Variants in BEAN1 observed in about 807,000 individuals in gnomAD.
The protein encoded by BEAN1 is protein BEAN1.
BEAN1 carries 17 observed loss-of-function variants against 17.7 expected under a neutral mutation model. The observed-to-expected ratio is 0.96, with a 90% CI of 0.66 to 1.44. The LOEUF is 1.44. BEAN1 is among the 40% of genes most tolerant of loss of function. The pLI, the probability that BEAN1 is intolerant of heterozygous loss-of-function variation, is 0.00. For missense variants in BEAN1, 359 were observed against 374.1 expected, an observed-to-expected ratio of 0.96 and a Z score of 0.33; for synonymous variants, 142 against 151.8, an observed-to-expected ratio of 0.94 and a Z score of 0.47.
At chr16:66,464,610 T>A (rs1963200830) in intron 2 of BEAN1, among the ~76,000 whole-genome samples, 1 of 152,248 alleles carries the variant, frequency 6.6e-6, no homozygotes, top group South Asian at 2.1e-4. Context: ...CCCAAAGTGC[T>A]AGGATTACAG....
chr16:66,433,689 ATTTGT>A (rs1961895866), intron 1 of BEAN1, among the ~76,000 whole-genome samples: 3 of 152,136 alleles, frequency 2.0e-5, no homozygotes, highest in African/African-American at 7.2e-5. Context: ...TGAATTGGGG[ATTTGT>A]TTTGAGGATC....
At chr16:66,479,961 C>A (rs764315128) in intron 4 of BEAN1, among the ~76,000 whole-genome samples, 9 of 152,120 alleles carry the variant, frequency 5.9e-5, no homozygotes, top group Non-Finnish European at 1.2e-4. Flanking sequence ...GCAGATCACC[C>A]ATCAGTACTC....
Position 66,431,410 on chromosome 16 carries a change from C to T in BEAN1, c.-83+3979C>T, listed in dbSNP as rs571465854. On this transcript the variant is annotated intron_variant, in intron 1 of 4. Transcript: ENST00000536005. ...TTGAGTCTTCATTTTAATGATTTTT[C>T]GGATTGTTATTAAAGTCATACATGT... is the stretch of plus-strand genomic sequence containing the variant. 6.6e-5 allele frequency among the ~76,000 whole-genome samples: 10 copies of T among 152,176 alleles called. No homozygotes were observed. In the South Asian group the frequency reaches 1.9e-3, roughly 28 times the overall value.
chr16:66,490,659 C>T (rs1049053489), intron 4 of BEAN1, among the ~76,000 whole-genome samples: 1 of 152,028 alleles, frequency 6.6e-6, no homozygotes, highest in Non-Finnish European at 1.5e-5. Context: ...CAGAGTATGC[C>T]TCTGCAGCCA....
At chr16:66,466,039 C>A (rs1350624401) in intron 2 of BEAN1, among the ~76,000 whole-genome samples, 1 of 152,202 alleles carries the variant, frequency 6.6e-6, no homozygotes, top group African/African-American at 2.4e-5. Context: ...GACTTGAACT[C>A]CTGGCCTCAA....
intron 2 of BEAN1, among the ~76,000 whole-genome samples, chr16:66,463,625 A>G (rs1391172424): frequency 6.6e-6 from 1 of 152,180 alleles, no homozygotes; most frequent in African/African-American, 2.4e-5. Flanking sequence ...CCTTTGCTGC[A>G]CTAGTTTTTA....
At chr16:66,466,289 C>CA (rs1963259285) in intron 2 of BEAN1, among the ~76,000 whole-genome samples, 1 of 151,996 alleles carries the variant, frequency 6.6e-6, no homozygotes, top group Non-Finnish European at 1.5e-5. Context: ...AAAAAACAAA[C>CA]AAAAAAACAA....
chr16:66,483,554 T>C (rs551279152), downstream of BEAN1: 1 of 152,630 alleles, frequency 6.6e-6, no homozygotes, highest in Admixed American at 6.5e-5. Flanking sequence ...TTCCTTTCCA[T>C]GCCCTCCACA....
rs531482010 is a variant in BEAN1 at position 66,444,843 on chromosome 16, T to C, written c.25+7142T>C. Among the ~76,000 whole-genome samples, 14 of 152,206 alleles carry C rather than the reference T, an allele frequency of 9.2e-5. No homozygotes were observed. The East Asian group carries it at 9.7e-4, about 11-fold the overall frequency. On this transcript the variant is annotated intron_variant, in intron 2 of 4. Coordinates refer to ENST00000536005, the MANE Select transcript of BEAN1 (RefSeq NM_001178020.3). ...AATGCCCGGCACTGTGGCGGGAGCA[T>C]TGCCGCCCTCCAGTTCAAGCTGGCC... is the stretch of plus-strand genomic sequence containing the variant.
intron 2 of BEAN1, chr16:66,451,048 A>C (rs1962654197): frequency 6.5e-6 from 1 of 153,336 alleles, no homozygotes; most frequent in South Asian, 2.1e-4. Context: ...TCATCACCAG[A>C]CATATTATAC....
intron 2 of BEAN1, among the ~76,000 whole-genome samples, chr16:66,460,686 A>G (rs1381122508): frequency 1.3e-5 from 2 of 152,230 alleles, no homozygotes; most frequent in Admixed American, 1.3e-4. Context: ...GTGGCTCAGA[A>G]GAAGCAAAAC....
chr16:66,482,847 G>C (rs1964027764), downstream of BEAN1: 1 of 455,586 alleles, frequency 2.2e-6, no homozygotes, highest in Admixed American at 2.4e-5. Flanking sequence ...AGTGCATAAG[G>C]TTCCTTTTTT....
intron 3 of BEAN1, chr16:66,475,645 G>A (rs555720044): frequency 1.3e-5 from 2 of 152,308 alleles, no homozygotes; most frequent in Non-Finnish European, 2.9e-5. Context: ...TCTTTCCTAA[G>A]TTCTTCCAAA....
chr16:66,487,089 C>A (rs894504795), downstream of BEAN1, among the ~76,000 whole-genome samples: 18 of 152,100 alleles, frequency 1.2e-4, 1 homozygote, highest in Non-Finnish European at 2.5e-4. Flanking sequence ...CTGCAGGGAG[C>A]CAGCTGAGCT....
chr16:66,477,790 G>A, intron 4 of BEAN1, 80 bp downstream of exon 4: 1 of 1,375,422 alleles, frequency 7.3e-7, no homozygotes. Context: ...TCATGGGAAA[G>A]AGTGGCACCT....
rs111654421 is a variant in BEAN1, at chr16:66,447,198, A to G, written c.25+9497A>G. On this transcript the variant is annotated intron_variant, in intron 2 of 4. Transcript: ENST00000536005. ...GGTAGGAGGATGACTTGAGCCCAGG[A>G]GTTTGCGGGTGCCTTCATACCTGGG... is the stretch of plus-strand genomic sequence containing the variant. 3.8e-3 allele frequency among the ~76,000 whole-genome samples: 572 copies of G among 152,260 alleles called. 2 individuals are homozygous for G. The highest frequency in any genetic ancestry group is 0.012 in the African/African-American group (516 of 41,560).
At chr16:66,492,918 C>A in intron 4 of BEAN1, 1 of 673,398 alleles carries the variant, frequency 1.5e-6, no homozygotes, top group South Asian at 1.6e-5. Context: ...AGCCACTCTG[C>A]TGAGGCCTGT....
chr16:66,488,280 A>G (rs920068112), intron 4 of BEAN1, among the ~76,000 whole-genome samples: 1 of 152,094 alleles, frequency 6.6e-6, no homozygotes, highest in Non-Finnish European at 1.5e-5. Flanking sequence ...TATTAACAAG[A>G]AAAAAACAAA....
chr16:66,449,483 T>C (rs11647416), intron 2 of BEAN1, among the ~76,000 whole-genome samples: 25,198 of 151,184 alleles, frequency 0.17, 2,337 homozygotes, highest in South Asian at 0.3. Context: ...GGTGCATGCC[T>C]GTAATCCCAG....
Sources: gnomAD v4.1 joint callset for allele counts (sites outside exome capture counted in the v4.1 genomes callset) on GRCh38, gnomAD v4.1.1 for gene constraint, MANE v1.5 for transcripts, NCBI Gene and HGNC (gene_info 2026-07-23, HGNC 2026-07-21) for gene names.